SAMMSON: variants seen among roughly 807,000 people sequenced by gnomAD.
SAMMSON encodes the protein long intergenic non-protein coding RNA 1212.
intron 6 of SAMMSON, among the ~76,000 whole-genome samples, chr3:70,276,490 G>T (rs967729523): frequency 1.3e-4 from 20 of 152,052 alleles, no homozygotes; most frequent in African/African-American, 4.6e-4. Flanking sequence ...GCTGTCCAGT[G>T]AATTATACGA....
rs2066985329 is a variant in SAMMSON, at chr3:70,016,319, G to T, written n.417+2647G>T. On this transcript the variant is annotated intron_variant and non_coding_transcript_variant, in intron 3 of 9. Coordinates refer to ENST00000642114, the Ensembl canonical transcript of SAMMSON. The stretch of plus-strand genomic sequence containing the variant: ...TTGCATTTCTCTGATGGCCAGTGAT[G>T]ATGAGCATTTTTTCATGTGTCTGTT... Among the ~76,000 whole-genome samples, 3 of 152,132 alleles carry T rather than the reference G, an allele frequency of 2.0e-5. No homozygotes were observed. In the South Asian group the frequency reaches 6.2e-4, roughly 31 times the overall value.
intron 3 of SAMMSON, among the ~76,000 whole-genome samples, chr3:70,036,858 CATAATGGAA>C (rs1321422975): frequency 6.6e-6 from 1 of 151,904 alleles, no homozygotes; most frequent in African/African-American, 2.4e-5. Context: ...ATACAATGAC[CATAATGGAA>C]AGTCAAATTA....
At chr3:70,052,565 A>G (rs2067150462) in intron 3 of SAMMSON, among the ~76,000 whole-genome samples, 1 of 152,168 alleles carries the variant, frequency 6.6e-6, no homozygotes, top group African/African-American at 2.4e-5. Context: ...GATTTGGGGA[A>G]TGCCATTCCA....
intron 3 of SAMMSON, among the ~76,000 whole-genome samples, chr3:70,020,294 A>G (rs879675430): frequency 3.3e-5 from 5 of 152,128 alleles, no homozygotes; most frequent in Non-Finnish European, 7.4e-5. Context: ...GAGCTAAGAG[A>G]TTAATGCAGA....
intron 6 of SAMMSON, among the ~76,000 whole-genome samples, chr3:70,265,580 G>A (rs1311123867): frequency 1.3e-5 from 2 of 152,070 alleles, no homozygotes; most frequent in Non-Finnish European, 2.9e-5. Context: ...TTATCAAGGT[G>A]CTTCATTAAT....
chr3:70,217,154 C>A (rs1307451951), intron 4 of SAMMSON, among the ~76,000 whole-genome samples: 2 of 152,056 alleles, frequency 1.3e-5, no homozygotes, highest in Non-Finnish European at 2.9e-5. Context: ...TGTCAATTAA[C>A]TGCTATATCC....
At chr3:70,292,511 G>A (rs1702247988) in intron 7 of SAMMSON, among the ~76,000 whole-genome samples, 1 of 152,010 alleles carries the variant, frequency 6.6e-6, no homozygotes. Flanking sequence ...CAAGCCATGT[G>A]GATCTGACTC....
intron 9 of SAMMSON, among the ~76,000 whole-genome samples, chr3:70,374,343 AT>A (rs996061019): frequency 4.6e-4 from 70 of 152,232 alleles, no homozygotes; most frequent in African/African-American, 1.5e-3. Flanking sequence ...GTGATTTTTT[AT>A]TGAAACACAA....
intron 7 of SAMMSON, among the ~76,000 whole-genome samples, chr3:70,303,958 C>G (rs759753416): frequency 6.6e-6 from 1 of 152,198 alleles, no homozygotes; most frequent in African/African-American, 2.4e-5. Flanking sequence ...GCTGGAATTA[C>G]AGGCATGAGC....
chr3:70,170,003 G>T lies in SAMMSON; in HGVS notation n.508-79104G>T, dbSNP rs151039912. On this transcript the variant is annotated intron_variant and non_coding_transcript_variant, in intron 4 of 9. Transcript: ENST00000642114. ...CAGTCTAGTTGTAGTTCATCAAATG[G>T]AATGGGCAGCTGTGCCTTATTGCCT... Among the ~76,000 whole-genome samples, 513 of 152,038 alleles carry T rather than the reference G, an allele frequency of 3.4e-3. 1 individual carries two copies. Among genetic ancestry groups the T allele is most frequent in the African/African-American group, 0.012 (478 of 41,512 alleles).
At chr3:70,298,852 G>A (rs1386144068) in intron 7 of SAMMSON, among the ~76,000 whole-genome samples, 2 of 152,106 alleles carry the variant, frequency 1.3e-5, no homozygotes, top group Non-Finnish European at 2.9e-5. Context: ...TGGTCCTGTT[G>A]TTTACTACCT....
At chr3:70,366,723 C>G (rs1220012276) in intron 9 of SAMMSON, among the ~76,000 whole-genome samples, 1 of 151,452 alleles carries the variant, frequency 6.6e-6, no homozygotes, top group African/African-American at 2.4e-5. Context: ...TATGGTAAGA[C>G]TGTTTTTAGC....
intron 3 of SAMMSON, chr3:70,015,211 G>A (rs1263723990): frequency 6.6e-6 from 1 of 152,174 alleles, no homozygotes; most frequent in Non-Finnish European, 1.5e-5. Context: ...AACCCTGGAA[G>A]CGGAGCTTGC....
chr3:70,005,644 A>G (rs1313902798), intron 1 of SAMMSON, among the ~76,000 whole-genome samples: 1 of 152,154 alleles, frequency 6.6e-6, no homozygotes, highest in African/African-American at 2.4e-5. Context: ...GGGGCAGAGC[A>G]TTTACCTCTT....
At chr3:70,318,459 A>ATT (rs1224593775) in intron 7 of SAMMSON, among the ~76,000 whole-genome samples, 1 of 102,022 alleles carries the variant, frequency 9.8e-6, no homozygotes, top group African/African-American at 3.3e-5. Context: ...GAGAATTAAC[A>ATT]TTTTGTGTGT....
At chr3:70,150,553 T>A (rs530304985) in intron 4 of SAMMSON, among the ~76,000 whole-genome samples, 2 of 152,184 alleles carry the variant, frequency 1.3e-5, no homozygotes, top group South Asian at 4.2e-4. Context: ...TTGGCTTTGT[T>A]TCTGAATTTG....
intron 6 of SAMMSON, among the ~76,000 whole-genome samples, chr3:70,274,681 G>A (rs1471007918): frequency 6.6e-6 from 1 of 152,102 alleles, no homozygotes; most frequent in African/African-American, 2.4e-5. Flanking sequence ...GGATTGTTAG[G>A]TGCAGCCAAC....
intron 4 of SAMMSON, among the ~76,000 whole-genome samples, chr3:70,211,426 C>T (rs200368390): frequency 3.2e-4 from 3 of 9,284 alleles, no homozygotes; most frequent in Admixed American, 1.9e-3. Context: ...TCCCTTTGCC[C>T]TTCCCTTCCC....
chr3:70,168,692 A>G (rs779537855), intron 4 of SAMMSON, among the ~76,000 whole-genome samples: 3 of 152,010 alleles, frequency 2.0e-5, no homozygotes, highest in Non-Finnish European at 4.4e-5. Context: ...CCCACTTGTC[A>G]ACATTAGGCG....
Sources: gnomAD v4.1 joint callset for allele counts (sites outside exome capture counted in the v4.1 genomes callset) on GRCh38, gnomAD v4.1.1 for gene constraint, MANE v1.5 for transcripts, NCBI Gene and HGNC (gene_info 2026-07-23, HGNC 2026-07-21) for gene names.